The following COL4A4 variants were observed in gnomAD, a reference collection of about 807,000 sequenced individuals.
The protein encoded by COL4A4 is collagen type IV alpha 4 chain.
A neutral mutation model predicts 192.9 loss-of-function variants in COL4A4; 105 were observed. The observed-to-expected ratio is 0.54, with a 90% CI of 0.46 to 0.64. COL4A4 has a LOEUF of 0.64. Ranked by LOEUF, COL4A4 falls within the 30% of genes least tolerant of loss-of-function variation. COL4A4 has a pLI of 0.00. For synonymous variants in COL4A4, 762 were observed against 769.9 expected (o/e 0.99, Z 0.17); for missense variants, 1,967 against 2,169.3 (o/e 0.91, Z 1.85).
chr2:227,068,603 C>A (rs957008758), intron 25 of COL4A4, among the ~76,000 whole-genome samples: 2 of 152,058 alleles, frequency 1.3e-5, no homozygotes, highest in African/African-American at 2.4e-5. Flanking sequence ...ATAAACAGAA[C>A]CAAAGACAAA....
At chr2:227,085,268 G>A (rs1054833323) in intron 22 of COL4A4, among the ~76,000 whole-genome samples, 2 of 152,192 alleles carry the variant, frequency 1.3e-5, no homozygotes, top group Non-Finnish European at 2.9e-5. Context: ...AGGGGAACAG[G>A]TGGGTAGGCA....
rs773975935 is a variant in COL4A4 at position 227,119,812 on chromosome 2, T to C, written c.372+83A>G. ...GTGGTTTCTATAAATATATATTTTA[T>C]GTATATATACATGTGGTTTTAAGGA... On this transcript the variant is annotated intron_variant, in intron 6 of 47. Transcript: ENST00000396625. 1,366 of 678,786 alleles carry C rather than the reference T, an allele frequency of 2.0e-3. 4 individuals carry two copies. Among genetic ancestry groups the C allele is most frequent in the Non-Finnish European group, 2.5e-3 (1,108 of 435,032 alleles). The allele number at this position is 678,786 out of a possible 1,614,324, so 42.0% of individuals were successfully genotyped here.
rs1357636626 is a variant in COL4A4 at position 227,080,508 on chromosome 2, G to A, written c.1738C>T (p.Pro580Ser). 1.2e-6 allele frequency: 2 copies of A among 1,614,000 alleles called. No homozygotes were observed. The highest frequency in any genetic ancestry group is 1.3e-5 in the African/African-American group (1 of 74,900). ...CGACCATGTGATCCTGGCTGCCCTG[G>A]AAATCCTGGGGGCCCATCAGGACCT... ...ERGPDGPPGF[P>S]GQPGSHGRDG... The change falls in exon 24 of 48, where the codon CCA becomes TCA. Residue 580 changes from proline to serine, a missense_variant. Transcript: ENST00000396625.
intron 2 of COL4A4, among the ~76,000 whole-genome samples, chr2:227,146,861 C>T (rs1284697186): frequency 3.3e-5 from 5 of 152,194 alleles, no homozygotes; most frequent in Non-Finnish European, 7.3e-5. Context: ...TTCTCTCCTT[C>T]ACTTCCAAGG....
In COL4A4 at chr2:227,054,603, C is replaced by G. The variant is rs1194269620; in HGVS notation, c.2851G>C (p.Gly951Arg). 1 of 1,614,038 alleles carries G rather than the reference C, an allele frequency of 6.2e-7. No individual in the cohort carries two copies. Among genetic ancestry groups the G allele is most frequent in the Non-Finnish European group, 8.5e-7 (1 of 1,180,020 alleles). ...SGLPGDRGLRGAKGAIGPPGD... is the reference protein window; with the variant it reads ...SGLPGDRGLRRAKGAIGPPGD... ...GCTGTATTTTATTTACCTTTGGCCC[C>G]TCTCAGTCCCCGGTCTCCAGGAAGG... The change falls in exon 31 of 48, where the codon GGG becomes CGG. Residue 951 changes from glycine to arginine, a missense_variant. Transcript: ENST00000396625.
At chr2:226,995,844 C>T in the COL4A4 span, 1 of 299,892 alleles carries the variant, frequency 3.3e-6, no homozygotes, top group East Asian at 7.0e-5. Context: ...CTGTGACCTT[C>T]ACCAGGAGGT....
rs528065496 is a variant in COL4A4 at position 227,006,825 on chromosome 2, A to G, written c.*500T>C. On this transcript the variant is annotated 3_prime_UTR_variant, in exon 48 of 48. Coordinates refer to ENST00000396625, the MANE Select transcript of COL4A4 (RefSeq NM_000092.5). ...ATGGTTTTACCATTATTTAAAGTAT[A>G]TGGAAAAATAGATTACAGAGGAAAT... 1.3e-5 allele frequency: 2 copies of G among 158,766 alleles called. No individual in the cohort carries two copies. Among genetic ancestry groups the G allele is most frequent in the South Asian group, 3.6e-4 (2 of 5,604 alleles). 9.8% of individuals were successfully genotyped at this position (158,766 alleles called of 1,614,324 possible). A position where few individuals can be genotyped will look rare whatever the true frequency, so the allele number is the denominator to read the frequency against.
At chr2:227,025,662 T>A in intron 43 of COL4A4, 140 bp downstream of exon 43, 2 of 729,972 alleles carry the variant, frequency 2.7e-6, no homozygotes, top group Non-Finnish European at 4.7e-6. Flanking sequence ...AGCAAAACAC[T>A]GCAGCTTAAT....
chr2:226,996,678 GAAAT>G, the COL4A4 span: 35 of 152,352 alleles, frequency 2.3e-4, no homozygotes, highest in African/African-American at 8.4e-4. Context: ...CATCTGGAAA[GAAAT>G]ATACCCAAAT....
chr2:227,107,756 C>CTTTTT (rs71036157), intron 12 of COL4A4, among the ~76,000 whole-genome samples: 5 of 109,196 alleles, frequency 4.6e-5, no homozygotes, highest in Non-Finnish European at 7.3e-5. Context: ...AATCACTTTT[C>CTTTTT]TTTTTTTTTT....
the COL4A4 span, among the ~76,000 whole-genome samples, chr2:226,969,657 CAAACA>C: frequency 6.6e-6 from 1 of 152,062 alleles, no homozygotes; most frequent in Non-Finnish European, 1.5e-5. Context: ...TCCTACAAAC[CAAACA>C]AATCTCCCCC....
chr2:227,014,496 A>G (rs915823908), intron 44 of COL4A4, among the ~76,000 whole-genome samples: 10 of 152,208 alleles, frequency 6.6e-5, no homozygotes, highest in African/African-American at 2.4e-5. Flanking sequence ...TACTCAGGGA[A>G]TTTAGTTTAA....
chr2:227,096,434 T>C (rs940150170), intron 19 of COL4A4, among the ~76,000 whole-genome samples: 16 of 152,342 alleles, frequency 1.1e-4, no homozygotes, highest in Middle Eastern at 3.4e-3. Context: ...TAATGTAGCA[T>C]GTTTATTAAA....
chr2:227,042,014 G>A lies in COL4A4; in HGVS notation c.3505+134C>T. On this transcript the variant is annotated intron_variant, in intron 37 of 47. Coordinates refer to ENST00000396625, the MANE Select transcript of COL4A4 (RefSeq NM_000092.5). ...AGCCCTGGCTAAGGAAGAGTAGGAA[G>A]ATGCTAATGGCACCTACGGAAAAGA... 3 of 737,844 alleles carry A rather than the reference G, an allele frequency of 4.1e-6. No homozygotes were observed. The South Asian group carries it at 4.4e-5, about 11-fold the overall frequency. 45.7% of individuals were successfully genotyped at this position (737,844 alleles called of 1,614,324 possible). A position where few individuals can be genotyped will look rare whatever the true frequency, so the allele number is the denominator to read the frequency against.
the COL4A4 span, chr2:226,997,320 A>G: frequency 6.6e-6 from 1 of 152,240 alleles, no homozygotes; most frequent in Non-Finnish European, 1.5e-5. Flanking sequence ...GACTCCCGTT[A>G]CCCCAATTAG....
In COL4A4 at chr2:227,054,573, G is replaced by A. The variant is rs773382738; in HGVS notation, c.2860+21C>T. 5.0e-6 allele frequency: 8 copies of A among 1,613,542 alleles called. No individual in the cohort carries two copies. The East Asian group carries it at 1.8e-4, about 36-fold the overall frequency. On this transcript the variant is annotated intron_variant, in intron 31 of 47. Transcript: ENST00000396625. The stretch of plus-strand genomic sequence containing the variant: ...CAAATACCAGAAACAAATGCATGTT[G>A]CATGGCTGTATTTTATTTACCTTTG...
chr2:227,093,812 A>T (rs1019716588), intron 20 of COL4A4, among the ~76,000 whole-genome samples: 2 of 152,142 alleles, frequency 1.3e-5, no homozygotes, highest in Non-Finnish European at 2.9e-5. Context: ...GCAGTGGGCA[A>T]AATAAACCCA....
chr2:227,009,566 C>T (rs1963076284), intron 46 of COL4A4, among the ~76,000 whole-genome samples: 1 of 151,978 alleles, frequency 6.6e-6, no homozygotes, highest in Non-Finnish European at 1.5e-5. Context: ...GGCATGGTGG[C>T]ACAAGTCTGT....
chr2:227,097,258 T>G (rs1012418013), intron 19 of COL4A4, among the ~76,000 whole-genome samples: 3 of 152,162 alleles, frequency 2.0e-5, no homozygotes, highest in Admixed American at 6.5e-5. Flanking sequence ...ATGAAGTCAA[T>G]AGAGTAAGTT....
Sources: allele counts gnomAD v4.1 joint callset (sites outside exome capture counted in the v4.1 genomes callset), GRCh38; gene constraint gnomAD v4.1.1; transcripts MANE v1.5; gene names NCBI Gene and HGNC (gene_info 2026-07-23, HGNC 2026-07-21).